The following CD163L1 variants were observed in gnomAD, a reference collection of about 807,000 sequenced individuals.
The protein encoded by CD163L1 is CD163 molecule like 1.
Under a neutral mutation model 165.4 loss-of-function variants are expected in CD163L1, and 124 were observed. That is an observed-to-expected ratio of 0.75 (90% CI 0.65 to 0.87). The LOEUF (loss-of-function observed/expected upper bound fraction) is 0.87, where lower values mean the gene tolerates loss of function less well. Ranked by LOEUF, CD163L1 falls within the 40% of genes least tolerant of loss-of-function variation. CD163L1 has a pLI of 0.00. For missense variants in CD163L1, 1,525 were observed against 1,799.9 expected, an observed-to-expected ratio of 0.85 and a Z score of 2.76; for synonymous variants, 585 against 662.2, an observed-to-expected ratio of 0.88 and a Z score of 1.79.
At chr12:7,370,500 C>T (rs1487044112) in intron 14 of CD163L1, among the ~76,000 whole-genome samples, 2 of 152,068 alleles carry the variant, frequency 1.3e-5, no homozygotes, top group Admixed American at 6.6e-5. Flanking sequence ...TTTTAGTTCC[C>T]GTAATAGTAT....
intron 2 of CD163L1, among the ~76,000 whole-genome samples, chr12:7,434,245 C>T (rs900927903): frequency 2.0e-5 from 3 of 152,142 alleles, no homozygotes; most frequent in South Asian, 2.1e-4. Flanking sequence ...AAGACCTAGT[C>T]GTCCATGATT....
intron 4 of CD163L1, among the ~76,000 whole-genome samples, chr12:7,409,252 TTTTA>T (rs1267480419): frequency 6.6e-6 from 1 of 152,130 alleles, no homozygotes. Flanking sequence ...ATAAAGTAAG[TTTTA>T]TTTTTGTATA....
chr12:7,339,131 C>G, the CD163L1 span, among the ~76,000 whole-genome samples: 1 of 152,154 alleles, frequency 6.6e-6, no homozygotes, highest in African/African-American at 2.4e-5. Context: ...TTGCTCTTCT[C>G]TGGTCTCCAA....
At chr12:7,380,951 G>A (rs1368948503) in intron 8 of CD163L1, among the ~76,000 whole-genome samples, 1 of 152,008 alleles carries the variant, frequency 6.6e-6, no homozygotes. Context: ...GTAGCTTTGA[G>A]TGTGCTGTGG....
chr12:7,441,908 A>C (rs1294884307), intron 1 of CD163L1, among the ~76,000 whole-genome samples: 4 of 152,182 alleles, frequency 2.6e-5, no homozygotes, highest in African/African-American at 9.7e-5. Context: ...CTTTTCAGTC[A>C]TGCTCAGTTC....
chr12:7,414,363 T>A (rs1039435780), intron 4 of CD163L1, among the ~76,000 whole-genome samples: 3 of 152,084 alleles, frequency 2.0e-5, no homozygotes, highest in African/African-American at 7.2e-5. Context: ...ATTACCTGAT[T>A]GAGCAGAAGA....
At chr12:7,422,769 GTGTGTA>G (rs1253740564) in intron 4 of CD163L1, among the ~76,000 whole-genome samples, 12 of 148,138 alleles carry the variant, frequency 8.1e-5, no homozygotes, top group East Asian at 3.9e-4. Flanking sequence ...GTGTGTGTGT[GTGTGTA>G]TATATATATA....
At chr12:7,327,620 C>T in the CD163L1 span, among the ~76,000 whole-genome samples, 1 of 152,082 alleles carries the variant, frequency 6.6e-6, no homozygotes, top group African/African-American at 2.4e-5. Context: ...TTCCTTCTAA[C>T]CATGGAACTG....
intron 4 of CD163L1, among the ~76,000 whole-genome samples, chr12:7,425,374 AC>A (rs1948523375): frequency 6.6e-6 from 1 of 152,228 alleles, no homozygotes; most frequent in Non-Finnish European, 1.5e-5. Context: ...CTAAAATCAT[AC>A]AAACCCTAGA....
the CD163L1 span, chr12:7,328,296 G>A: frequency 6.3e-7 from 1 of 1,585,048 alleles, no homozygotes; most frequent in Non-Finnish European, 8.6e-7. Flanking sequence ...GGTGGAATTT[G>A]TTCAAGAACT....
intron 18 of CD163L1, among the ~76,000 whole-genome samples, chr12:7,361,649 A>C (rs1358904115): frequency 6.6e-6 from 1 of 152,186 alleles, no homozygotes; most frequent in African/African-American, 2.4e-5. Flanking sequence ...CTGGCCAGAA[A>C]GATGGGCTTT....
At chr12:7,394,049 T>C (rs1024120081) in intron 8 of CD163L1, among the ~76,000 whole-genome samples, 2 of 151,324 alleles carry the variant, frequency 1.3e-5, no homozygotes, top group African/African-American at 4.9e-5. Context: ...ATGACTTTCT[T>C]CACCGAATTG....
chr12:7,379,369 T>C, intron 8 of CD163L1, 71 bp from the exon 9 acceptor site: 1 of 1,502,290 alleles, frequency 6.7e-7, no homozygotes, highest in East Asian at 2.4e-5. Flanking sequence ...TATCCATTCC[T>C]GTACACTAAC....
chr12:7,333,482 T>C, the CD163L1 span, among the ~76,000 whole-genome samples: 2 of 152,280 alleles, frequency 1.3e-5, no homozygotes, highest in East Asian at 3.9e-4. Context: ...CTGGGACACA[T>C]TTAAAGCAGT....
At chr12:7,360,520 T>C (rs1185968227) in intron 18 of CD163L1, among the ~76,000 whole-genome samples, 3 of 152,200 alleles carry the variant, frequency 2.0e-5, no homozygotes, top group African/African-American at 4.8e-5. Flanking sequence ...CTCTATTTTA[T>C]TGAATAATTT....
chr12:7,439,660 A>T, intron 2 of CD163L1: 1 of 1,612,424 alleles, frequency 6.2e-7, no homozygotes, highest in South Asian at 1.1e-5. Flanking sequence ...GTTCTCTGCA[A>T]TTTTCTTCCT....
At position 7,372,466 on chromosome 12, in the gene CD163L1, C is replaced by T. The variant is rs985406211; in HGVS notation, c.3730+854G>A. On this transcript the variant is annotated intron_variant, in intron 14 of 19. Transcript: ENST00000313599. This position sits in a 1 kb window ranked among gnomAD's most constrained non-coding sequence, Gnocchi z 4.2. ...ATACTAGTTTGACATTGAGAAATAG[C>T]CTTAATACCAATAATCACATGGTTA... 2.0e-5 allele frequency among the ~76,000 whole-genome samples: 3 copies of T among 151,764 alleles called. No individual in the cohort carries two copies. Among genetic ancestry groups the T allele is most frequent in the African/African-American group, 7.3e-5 (3 of 41,324 alleles).
rs1948636653 is a variant in CD163L1, at chr12:7,431,985, CAAAGG to C, written c.766+426_766+430del. On this transcript the variant is annotated intron_variant, in intron 4 of 19. Coordinates refer to ENST00000313599, the MANE Select transcript of CD163L1 (RefSeq NM_174941.6). Reference sequence around the variant, plus strand: ...AGTTGAAGCTAGGAAAGTAAATTGCCAAAGGAAAGAGGGCAGCGTGAGATTAGGGA... The same window carrying C: ...AGTTGAAGCTAGGAAAGTAAATTGCCAAAGAGGGCAGCGTGAGATTAGGGA... Among the ~76,000 whole-genome samples, 9 of 152,060 alleles carry C rather than the reference CAAAGG, an allele frequency of 5.9e-5. No homozygotes were observed. In the South Asian group the frequency reaches 1.9e-3, roughly 32 times the overall value.
chr12:7,421,582 T>C lies in CD163L1; in HGVS notation c.766+10834A>G, dbSNP rs114282218. Among the ~76,000 whole-genome samples the C allele has an allele frequency of 1.9e-3, 130 of 69,610 alleles. 7 individuals carry two copies. The highest frequency in any genetic ancestry group is 4.7e-3 in the African/African-American group (83 of 17,706). 45.7% of individuals were successfully genotyped at this position (69,610 alleles called of 152,430 possible). A position where few individuals can be genotyped will look rare whatever the true frequency, so the allele number is the denominator to read the frequency against. On this transcript the variant is annotated intron_variant, in intron 4 of 19. Transcript: ENST00000313599. ...ATATATGTACATATATACATGTACA[T>C]ATATACATATACATATATGTACACA...
Sources: allele counts gnomAD v4.1 joint callset (sites outside exome capture counted in the v4.1 genomes callset), GRCh38; gene constraint gnomAD v4.1.1; non-coding constraint Gnocchi (gnomAD v3.1); transcripts MANE v1.5; gene names NCBI Gene and HGNC (gene_info 2026-07-23, HGNC 2026-07-21).